Variants in GABRB3 observed in about 807,000 individuals in gnomAD.
GABRB3 encodes the protein gamma-aminobutyric acid receptor subunit beta-3.
A neutral mutation model predicts 52.1 loss-of-function variants in GABRB3; 14 were observed. The ratio of observed to expected loss-of-function variants is 0.27; its 90% CI spans 0.18 to 0.42. The LOEUF is 0.42. Ranked by LOEUF, GABRB3 falls within the 10% of genes least tolerant of loss-of-function variation. The probability of loss-of-function intolerance (pLI) is 1.00; values close to 1 mark genes in which losing one functional copy is unlikely to be tolerated. For synonymous variants in GABRB3, 260 were observed against 232.3 expected, an observed-to-expected ratio of 1.12 and a Z score of -1.08; for missense variants, 307 against 609.1, an observed-to-expected ratio of 0.50 and a Z score of 5.22.
At chr15:26,755,005 CTT>C (rs5811447) in intron 3 of GABRB3, among the ~76,000 whole-genome samples, 4 of 139,172 alleles carry the variant, frequency 2.9e-5, no homozygotes, top group Non-Finnish European at 3.1e-5. Context: ...CCTCTAACAA[CTT>C]TTTTTTTTTT....
chr15:26,732,564 C>CA (rs61565610), intron 3 of GABRB3, among the ~76,000 whole-genome samples: 27,934 of 142,152 alleles, frequency 0.2, 3,893 homozygotes, highest in African/African-American at 0.41. Context: ...CCCTTTCTCC[C>CA]AAAAAAATTT....
At chr15:26,721,004 T>C (rs1256812147) in intron 3 of GABRB3, among the ~76,000 whole-genome samples, 1 of 152,056 alleles carries the variant, frequency 6.6e-6, no homozygotes, top group Non-Finnish European at 1.5e-5. Context: ...CGCCCCAACA[T>C]GTCAAATCTC....
At chr15:26,618,808 A>G (rs1268726148) in intron 4 of GABRB3, among the ~76,000 whole-genome samples, 1 of 152,120 alleles carries the variant, frequency 6.6e-6, no homozygotes, top group African/African-American at 2.4e-5. Flanking sequence ...AATGAACTCA[A>G]ACAAATTTAC....
At chr15:26,742,384 A>G (rs1344056647) in intron 3 of GABRB3, among the ~76,000 whole-genome samples, 1 of 17,190 alleles carries the variant, frequency 5.8e-5, no homozygotes, top group Non-Finnish European at 4.1e-4. Flanking sequence ...TGATGTATTG[A>G]AAAAAAAAAA....
chr15:26,764,201 T>C (rs1455492244), intron 3 of GABRB3, among the ~76,000 whole-genome samples: 2 of 13,430 alleles, frequency 1.5e-4, no homozygotes, highest in Non-Finnish European at 2.8e-4. Context: ...TATATATATA[T>C]ATATATATAT....
chr15:26,763,607 TACAC>T (rs150301275), intron 3 of GABRB3, among the ~76,000 whole-genome samples: 104 of 145,770 alleles, frequency 7.1e-4, no homozygotes, highest in Non-Finnish European at 9.1e-4. Context: ...TCTGCATAGA[TACAC>T]ACACACACAC....
chr15:26,554,613 C>A (rs73366452), intron 8 of GABRB3, among the ~76,000 whole-genome samples: 7,491 of 152,148 alleles, frequency 0.049, 613 homozygotes, highest in African/African-American at 0.17. Context: ...TCCAGTGTGA[C>A]CAAATCCATG....
chr15:26,722,848 C>A (rs753036310), intron 3 of GABRB3, among the ~76,000 whole-genome samples: 2 of 152,196 alleles, frequency 1.3e-5, no homozygotes, highest in Admixed American at 6.5e-5. Context: ...CCAAGCCCTG[C>A]TCTCCCACTG....
intron 5 of GABRB3, 72 bp downstream of exon 5, chr15:26,583,260 A>G: frequency 3.1e-6 from 4 of 1,288,626 alleles, no homozygotes; most frequent in Admixed American, 3.4e-5. Flanking sequence ...CCTTGAAAAA[A>G]GATGCTAAAT....
intron 3 of GABRB3, among the ~76,000 whole-genome samples, chr15:26,655,599 A>G (rs1461564307): frequency 6.6e-6 from 1 of 152,098 alleles, no homozygotes; most frequent in East Asian, 1.9e-4. Flanking sequence ...AAAATTAGCC[A>G]GGCGTGGTGG....
chr15:26,686,053 T>A (rs138905714), intron 3 of GABRB3, among the ~76,000 whole-genome samples: 1 of 152,290 alleles, frequency 6.6e-6, no homozygotes, highest in African/African-American at 2.4e-5. Flanking sequence ...TCAAGCTATC[T>A]TCCTTCAGCC....
rs189946712 is a variant in GABRB3 at position 26,594,085 on chromosome 15, T to C, written c.462-10671A>G. 3.3e-5 allele frequency among the ~76,000 whole-genome samples: 5 copies of C among 150,248 alleles called. No individual in the cohort carries two copies. In the East Asian group the frequency reaches 1.0e-3, roughly 30 times the overall value. Reference sequence around the variant, plus strand: ...GTCAAAACCACAATGAAGTACTATATCACACACATTAGGATGGCTATTGTC... The same window carrying C: ...GTCAAAACCACAATGAAGTACTATACCACACACATTAGGATGGCTATTGTC... On this transcript the variant is annotated intron_variant, in intron 4 of 8. Coordinates refer to ENST00000311550, the MANE Select transcript of GABRB3 (RefSeq NM_000814.6).
chr15:26,548,645 AC>A (rs1022082014), intron 8 of GABRB3, among the ~76,000 whole-genome samples: 37 of 151,880 alleles, frequency 2.4e-4, no homozygotes, highest in African/African-American at 8.5e-4. Context: ...AGATACAGAC[AC>A]CCCCCAACCC....
chr15:26,678,006 G>A lies in GABRB3; in HGVS notation c.241-56472C>T, dbSNP rs79333046. On this transcript the variant is annotated intron_variant, in intron 3 of 8. Transcript: ENST00000311550. ...GCTCTATCTAAAACTACGCTGTGTG[G>A]GCATTTTAGCAATTTGACTAGTGCC... Among the ~76,000 whole-genome samples the A allele has an allele frequency of 9.8e-3, 1,493 of 151,980 alleles. 143 individuals are homozygous for A. The East Asian group carries it at 0.21, about 22-fold the overall frequency.
At chr15:26,684,765 G>T (rs977633968) in intron 3 of GABRB3, among the ~76,000 whole-genome samples, 1 of 152,158 alleles carries the variant, frequency 6.6e-6, no homozygotes, top group African/African-American at 2.4e-5. Context: ...CAACACTGAT[G>T]GATTCAGCTC....
At chr15:26,711,765 C>T (rs1889304320) in intron 3 of GABRB3, among the ~76,000 whole-genome samples, 1 of 152,182 alleles carries the variant, frequency 6.6e-6, no homozygotes, top group Non-Finnish European at 1.5e-5. Context: ...GCAGCATCAA[C>T]CACCTGTCTT....
chr15:26,601,829 G>T (rs1477291744), intron 4 of GABRB3, among the ~76,000 whole-genome samples: 1 of 152,034 alleles, frequency 6.6e-6, no homozygotes, highest in Non-Finnish European at 1.5e-5. Context: ...CAAAAAGGAA[G>T]ACAGGAAAGA....
intron 3 of GABRB3, among the ~76,000 whole-genome samples, chr15:26,689,285 T>C (rs541422594): frequency 2.3e-4 from 35 of 152,280 alleles, no homozygotes; most frequent in Non-Finnish European, 2.8e-4. Flanking sequence ...CAATCACACC[T>C]GTCACCTGGA....
At chr15:26,746,575 G>A (rs1466545772) in intron 3 of GABRB3, among the ~76,000 whole-genome samples, 2 of 135,300 alleles carry the variant, frequency 1.5e-5, no homozygotes, top group South Asian at 2.3e-4. Flanking sequence ...ATTTAAGTCC[G>A]TTTTTTGTTT....
Sources: allele counts gnomAD v4.1 joint callset (sites outside exome capture counted in the v4.1 genomes callset), GRCh38; gene constraint gnomAD v4.1.1; transcripts MANE v1.5; gene names NCBI Gene and HGNC (gene_info 2026-07-23, HGNC 2026-07-21).